The following RPS6KC1 variants were observed in gnomAD, a reference collection of about 807,000 sequenced individuals.
The protein encoded by RPS6KC1 is ribosomal protein S6 kinase C1, also known as inactive ribosomal protein S6 kinase delta-1.
RPS6KC1 carries 54 observed loss-of-function variants against 103.8 expected under a neutral mutation model. That is an observed-to-expected ratio of 0.52 (90% CI 0.42 to 0.65). RPS6KC1 has a LOEUF of 0.65. RPS6KC1 is among the 30% of genes least tolerant of loss of function. The pLI, the probability that RPS6KC1 is intolerant of heterozygous loss-of-function variation, is 0.00. For synonymous variants in RPS6KC1, 439 were observed against 438.7 expected, an observed-to-expected ratio of 1.00 and a Z score of -0.01; for missense variants, 1,151 against 1,253.8, an observed-to-expected ratio of 0.92 and a Z score of 1.24.
chr1:213,833,007 G>T, the RPS6KC1 span, among the ~76,000 whole-genome samples: 2 of 152,086 alleles, frequency 1.3e-5, no homozygotes, highest in Non-Finnish European at 2.9e-5. Flanking sequence ...GAAACAAGAG[G>T]CCCCAGACCC....
the RPS6KC1 span, among the ~76,000 whole-genome samples, chr1:213,371,400 C>T: frequency 6.6e-6 from 1 of 152,180 alleles, no homozygotes; most frequent in Non-Finnish European, 1.5e-5. Context: ...CTGTGATGAA[C>T]ATGGGTGTGC....
the RPS6KC1 span, among the ~76,000 whole-genome samples, chr1:213,850,387 C>T: frequency 1.3e-5 from 2 of 152,170 alleles, no homozygotes; most frequent in Admixed American, 6.5e-5. Context: ...AGGATGTTCA[C>T]GTTTTCAATC....
the RPS6KC1 span, among the ~76,000 whole-genome samples, chr1:213,619,389 G>C: frequency 6.6e-6 from 1 of 152,160 alleles, no homozygotes; most frequent in Non-Finnish European, 1.5e-5. Context: ...TTACCTGGCT[G>C]CTTATAAAAA....
chr1:213,456,183 C>CGTGCA, the RPS6KC1 span, among the ~76,000 whole-genome samples: 2 of 152,128 alleles, frequency 1.3e-5, no homozygotes, highest in African/African-American at 4.8e-5. Context: ...GTGTGCGTCC[C>CGTGCA]GTGCAGCATG....
chr1:213,496,990 A>G, the RPS6KC1 span, among the ~76,000 whole-genome samples: 2 of 152,254 alleles, frequency 1.3e-5, no homozygotes, highest in Non-Finnish European at 2.9e-5. Context: ...TTGTTACTGT[A>G]TAATGATGAA....
intron 8 of RPS6KC1, among the ~76,000 whole-genome samples, chr1:213,183,874 C>T (rs986016357): frequency 6.6e-6 from 1 of 151,958 alleles, no homozygotes; most frequent in African/African-American, 2.4e-5. Context: ...ATTGATAAAC[C>T]TCTAACAAGA....
rs1020771602 is a variant in RPS6KC1, at chr1:213,051,300, C to G, written c.-105C>G. ...CCGTGGAGCCGCCTTGGAGCCACCG[C>G]CCCCTCGCCGCTTCGCCGCTGCGTT... On this transcript the variant is annotated 5_prime_UTR_variant, in exon 1 of 15. Coordinates refer to ENST00000366960, the MANE Select transcript of RPS6KC1 (RefSeq NM_012424.6). The G allele has an allele frequency of 5.1e-6, 4 of 787,724 alleles. No homozygotes were observed. The highest frequency in any genetic ancestry group is 8.4e-6 in the Non-Finnish European group (4 of 475,700). 48.8% of individuals were successfully genotyped at this position (787,724 alleles called of 1,614,324 possible).
At chr1:213,610,997 G>A in the RPS6KC1 span, among the ~76,000 whole-genome samples, 1 of 152,052 alleles carries the variant, frequency 6.6e-6, no homozygotes, top group African/African-American at 2.4e-5. Context: ...GCATATATGG[G>A]GTTACACCAT....
At chr1:213,615,433 C>G in the RPS6KC1 span, among the ~76,000 whole-genome samples, 2 of 152,250 alleles carry the variant, frequency 1.3e-5, no homozygotes, top group African/African-American at 2.4e-5. Flanking sequence ...AGCTTTCCAA[C>G]TCAGCCTGAG....
the RPS6KC1 span, among the ~76,000 whole-genome samples, chr1:213,595,570 C>T: frequency 1.0e-3 from 155 of 152,280 alleles, no homozygotes; most frequent in African/African-American, 3.4e-3. Flanking sequence ...ATGGCTGGGA[C>T]GCAAACCATC....
the RPS6KC1 span, among the ~76,000 whole-genome samples, chr1:213,622,944 G>A: frequency 3.3e-5 from 5 of 152,222 alleles, no homozygotes; most frequent in East Asian, 1.9e-4. Context: ...CATTTCAGTC[G>A]CGCGAGGCCA....
intron 1 of RPS6KC1, 129 bp from the exon 2 acceptor site, chr1:213,070,877 A>C (rs1352414712): frequency 3.4e-6 from 2 of 580,482 alleles, no homozygotes; most frequent in African/African-American, 4.0e-5. Flanking sequence ...GTTTTGGATA[A>C]ATGATATAGT....
chr1:213,477,699 C>T, the RPS6KC1 span, among the ~76,000 whole-genome samples: 3 of 152,132 alleles, frequency 2.0e-5, no homozygotes, highest in African/African-American at 4.8e-5. Context: ...TAACACTTTT[C>T]GTACTTCAGA....
At chr1:213,258,932 A>G (rs144690791) in intron 12 of RPS6KC1, among the ~76,000 whole-genome samples, 1 of 152,298 alleles carries the variant, frequency 6.6e-6, no homozygotes, top group Admixed American at 6.5e-5. Context: ...ACCCAGGGAT[A>G]TGTCCTTCAT....
the RPS6KC1 span, among the ~76,000 whole-genome samples, chr1:213,384,262 C>G: frequency 1.3e-5 from 2 of 149,636 alleles, no homozygotes; most frequent in East Asian, 2.0e-4. Flanking sequence ...AGTGACAGAG[C>G]GAGACTCCAT....
At chr1:213,101,521 GT>G (rs1160075002) in intron 3 of RPS6KC1, among the ~76,000 whole-genome samples, 1 of 152,002 alleles carries the variant, frequency 6.6e-6, no homozygotes, top group East Asian at 1.9e-4. Context: ...TTGCTTAAGT[GT>G]TTTACTTTAG....
the RPS6KC1 span, among the ~76,000 whole-genome samples, chr1:213,671,472 GGT>G: frequency 6.6e-6 from 1 of 152,104 alleles, no homozygotes; most frequent in African/African-American, 2.4e-5. Flanking sequence ...GTTGGCTACA[GGT>G]AAGAACAATG....
At chr1:213,502,885 A>T in the RPS6KC1 span, among the ~76,000 whole-genome samples, 4 of 151,972 alleles carry the variant, frequency 2.6e-5, no homozygotes, top group Non-Finnish European at 5.9e-5. Flanking sequence ...AAGCCAATAA[A>T]ATTATTATAA....
the RPS6KC1 span, among the ~76,000 whole-genome samples, chr1:213,859,025 CT>C: frequency 1.2e-4 from 18 of 152,226 alleles, no homozygotes; most frequent in African/African-American, 3.9e-4. Flanking sequence ...ATGAGCTGGA[CT>C]TTTTTTTCCT....
Sources: allele counts gnomAD v4.1 joint callset (sites outside exome capture counted in the v4.1 genomes callset), GRCh38; gene constraint gnomAD v4.1.1; transcripts MANE v1.5; gene names NCBI Gene and HGNC (gene_info 2026-07-23, HGNC 2026-07-21).